Variants in TNRC6B observed in about 807,000 individuals in gnomAD.
TNRC6B encodes the protein trinucleotide repeat-containing gene 6B protein.
TNRC6B carries 52 observed loss-of-function variants against 203.6 expected under a neutral mutation model. That is an observed-to-expected ratio of 0.26 (90% confidence interval 0.20 to 0.32). TNRC6B has a LOEUF of 0.32. TNRC6B is among the 10% of genes least tolerant of loss of function. TNRC6B has a pLI of 1.00. For missense variants in TNRC6B, 1,923 were observed against 2,286.2 expected (o/e 0.84, Z 3.24); for synonymous variants, 838 against 845.7 (o/e 0.99, Z 0.16).
At chr22:40,136,722 A>G (rs1298515503) in intron 3 of TNRC6B, among the ~76,000 whole-genome samples, 1 of 152,074 alleles carries the variant, frequency 6.6e-6, no homozygotes, top group East Asian at 1.9e-4. Flanking sequence ...ATATTTAAAT[A>G]TTTATAATAA....
intron 4 of TNRC6B, among the ~76,000 whole-genome samples, chr22:40,156,394 C>A (rs1177250744): frequency 6.6e-6 from 1 of 152,130 alleles, no homozygotes; most frequent in East Asian, 1.9e-4. Context: ...TTCACACTCG[C>A]CTAATCAAAA....
chr22:40,139,972 A>G (rs1455340344), intron 3 of TNRC6B, among the ~76,000 whole-genome samples: 1 of 152,130 alleles, frequency 6.6e-6, no homozygotes, highest in African/African-American at 2.4e-5. Flanking sequence ...TTTAGCCCCC[A>G]CAGTTAGGTC....
chr22:40,094,117 T>G (rs1191674050), intron 1 of TNRC6B, among the ~76,000 whole-genome samples: 1 of 152,096 alleles, frequency 6.6e-6, no homozygotes, highest in African/African-American at 2.4e-5. Flanking sequence ...AAAAAAAATT[T>G]TAAAAACAGG....
chr22:40,064,032 C>T (rs1211113408), intron 1 of TNRC6B, among the ~76,000 whole-genome samples: 2 of 152,116 alleles, frequency 1.3e-5, no homozygotes, highest in Non-Finnish European at 2.9e-5. Flanking sequence ...ATTGTTTTCA[C>T]AATTTTATTT....
intron 1 of TNRC6B, 105 bp downstream of exon 1, chr22:40,178,245 C>A: frequency 7.5e-7 from 1 of 1,325,934 alleles, no homozygotes; most frequent in Non-Finnish European, 1.1e-6. Flanking sequence ...AGCATGGAGA[C>A]TGGCTTCAGA....
chr22:40,142,269 C>T (rs1328765599), intron 3 of TNRC6B, among the ~76,000 whole-genome samples: 1 of 151,278 alleles, frequency 6.6e-6, no homozygotes, highest in East Asian at 1.9e-4. Flanking sequence ...ACTATGTTGC[C>T]CAGGCTGGTC....
At chr22:40,238,002 A>G (rs1475007548) in intron 1 of TNRC6B, among the ~76,000 whole-genome samples, 1 of 151,982 alleles carries the variant, frequency 6.6e-6, no homozygotes, top group African/African-American at 2.4e-5. Context: ...GACACTCAGC[A>G]TGTTTATTAG....
At chr22:40,179,986 CTG>C (rs939698342) in intron 1 of TNRC6B, among the ~76,000 whole-genome samples, 1 of 152,130 alleles carries the variant, frequency 6.6e-6, no homozygotes. Context: ...ACAGAAGTGA[CTG>C]TTTAGATTCA....
Position 40,242,179 on chromosome 22 carries a change from A to AGTGTGTGT in TNRC6B, c.6-3812_6-3805dup, listed in dbSNP as rs58498001. On this transcript the variant is annotated intron_variant, in intron 1 of 22. Coordinates refer to ENST00000454349, the MANE Select transcript of TNRC6B (RefSeq NM_001162501.2). ...AGAGTGACAGAGCTAAGGGAATAAGAGTGTGTGTGTGTGTGTGTGTGTGTG... is the reference window on the plus strand; with the variant it reads ...AGAGTGACAGAGCTAAGGGAATAAGAGTGTGTGTGTGTGTGTGTGTGTGTGTGTGTGTG... Among the ~76,000 whole-genome samples, 58 of 149,552 alleles carry AGTGTGTGT rather than the reference A, an allele frequency of 3.9e-4. 2 individuals are homozygous for AGTGTGTGT. The highest frequency in any genetic ancestry group is 8.0e-4 in the Admixed American group (12 of 15,068).
intron 22 of TNRC6B, 137 bp downstream of exon 22, chr22:40,321,366 C>T (rs2071331869): frequency 1.3e-5 from 14 of 1,084,640 alleles, no homozygotes; most frequent in Middle Eastern, 3.0e-4. Context: ...CTGCAAGTCT[C>T]GAGTGTGGAG....
chr22:40,314,281 CT>C (rs1033054022), intron 19 of TNRC6B, among the ~76,000 whole-genome samples: 2 of 152,178 alleles, frequency 1.3e-5, no homozygotes, highest in Non-Finnish European at 2.9e-5. Context: ...TTTTCTTCCT[CT>C]TTCCTCTCTC....
intron 4 of TNRC6B, among the ~76,000 whole-genome samples, chr22:40,262,436 A>T (rs1227379320): frequency 2.6e-5 from 4 of 151,996 alleles, no homozygotes; most frequent in Non-Finnish European, 5.9e-5. Context: ...TCCTTCTCAG[A>T]CTAGAGTGTT....
At chr22:40,076,784 T>C (rs181778132) in intron 1 of TNRC6B, among the ~76,000 whole-genome samples, 3 of 152,324 alleles carry the variant, frequency 2.0e-5, no homozygotes, top group South Asian at 2.1e-4. Flanking sequence ...AAAAAAACTT[T>C]CCACTACTGT....
intron 1 of TNRC6B, among the ~76,000 whole-genome samples, chr22:40,220,976 G>A (rs564553375): frequency 3.3e-5 from 5 of 152,266 alleles, no homozygotes; most frequent in Admixed American, 3.3e-4. Context: ...CCAAAGCCCC[G>A]CCTCACATGC....
At chr22:40,185,099 T>C (rs978609933) in intron 1 of TNRC6B, among the ~76,000 whole-genome samples, 1 of 152,212 alleles carries the variant, frequency 6.6e-6, no homozygotes, top group Non-Finnish European at 1.5e-5. Flanking sequence ...CAAGCGATTC[T>C]CCTGTCTCAG....
intron 1 of TNRC6B, among the ~76,000 whole-genome samples, chr22:40,078,700 C>T (rs1035893977): frequency 6.6e-6 from 1 of 151,928 alleles, no homozygotes; most frequent in Non-Finnish European, 1.5e-5. Context: ...TCAAGTGATT[C>T]CCGTGCCTCA....
In TNRC6B at chr22:40,330,037, C is replaced by G. The variant is rs568996685; in HGVS notation, c.*6796C>G. 11 of 152,282 alleles carry G rather than the reference C, an allele frequency of 7.2e-5. No homozygotes were observed. The highest frequency in any genetic ancestry group is 2.6e-4 in the African/African-American group (11 of 41,562). The allele number at this position is 152,282 out of a possible 1,614,324, so 9.4% of individuals were successfully genotyped here. On this transcript the variant is annotated 3_prime_UTR_variant, in exon 23 of 23. Coordinates refer to ENST00000454349, the MANE Select transcript of TNRC6B (RefSeq NM_001162501.2). ...ATCAGATAAATAGGCAAGAAGTACT[C>G]TGTTTTAAATAAAGAATAAATAGTG...
intron 1 of TNRC6B, among the ~76,000 whole-genome samples, chr22:40,220,861 G>A (rs1017099785): frequency 3.3e-5 from 5 of 152,136 alleles, no homozygotes; most frequent in African/African-American, 9.7e-5. Flanking sequence ...GACTGGACTC[G>A]TTGGTCTAAT....
At chr22:40,230,282 C>CTTT (rs56122256) in intron 1 of TNRC6B, among the ~76,000 whole-genome samples, 55 of 94,332 alleles carry the variant, frequency 5.8e-4, no homozygotes, top group Non-Finnish European at 7.3e-4. Context: ...TGCCCATCTT[C>CTTT]TTTTTTTTTT....
Sources: gnomAD v4.1 joint callset for allele counts (sites outside exome capture counted in the v4.1 genomes callset) on GRCh38, gnomAD v4.1.1 for gene constraint, MANE v1.5 for transcripts, NCBI Gene and HGNC (gene_info 2026-07-23, HGNC 2026-07-21) for gene names.